CMYA5: variants seen among roughly 807,000 people sequenced by gnomAD.
CMYA5 encodes the protein cardiomyopathy associated 5.
In CMYA5, 246 loss-of-function variants were observed where a neutral mutation model predicts 318.9. That is an observed-to-expected ratio of 0.77 (90% CI 0.70 to 0.86). CMYA5 has a LOEUF of 0.86. CMYA5 is among the 40% of genes least tolerant of loss of function. The pLI is 0.00. For synonymous variants in CMYA5, 1,641 were observed against 1,729.5 expected, an observed-to-expected ratio of 0.95 and a Z score of 1.27; for missense variants, 4,589 against 4,678.2, an observed-to-expected ratio of 0.98 and a Z score of 0.56.
At chr5:79,718,035 C>A (rs1250686389) in intron 1 of CMYA5, among the ~76,000 whole-genome samples, 2 of 106,830 alleles carry the variant, frequency 1.9e-5, no homozygotes, top group East Asian at 6.8e-4. Flanking sequence ...ACTACAGGCA[C>A]CCGCCACTAC....
At position 79,766,215 on chromosome 5, in the gene CMYA5, C is replaced by T. The variant is rs1030196492; in HGVS notation, c.11555+3006C>T. Reference sequence around the variant, plus strand: ...CCAGGTTCAAATGATTCTCCTGCCTCAGCCTCCCGAGTAGCTGGGATTACA... The same window carrying T: ...CCAGGTTCAAATGATTCTCCTGCCTTAGCCTCCCGAGTAGCTGGGATTACA... On this transcript the variant is annotated intron_variant, in intron 9 of 12. Coordinates refer to ENST00000446378, the MANE Select transcript of CMYA5 (RefSeq NM_153610.5). Among the ~76,000 whole-genome samples the T allele has an allele frequency of 2.0e-5, 3 of 152,298 alleles. No homozygotes were observed. In the South Asian group the frequency reaches 6.2e-4, roughly 32 times the overall value.
chr5:79,727,649 A>C (rs184279775), intron 1 of CMYA5, among the ~76,000 whole-genome samples: 2 of 152,350 alleles, frequency 1.3e-5, no homozygotes, highest in African/African-American at 4.8e-5. Context: ...AGGAATGATA[A>C]CCGCAGAGGA....
rs369119889 is a variant in CMYA5 at position 79,733,602 on chromosome 5, G to A, written c.4837G>A (p.Val1613Ile). ...AGACTTCCCATCAGAAAAACAAGAT[G>A]TTGCTTTGGCAGAGCTGTCTTTGGA... ...QGDFPSEKQD[V>I]ALAELSLEPE... Residue 1613 changes from valine (V) to isoleucine (I), a missense_variant, in exon 2 of 13, where the codon GTT becomes ATT. Around this residue, in one of 3 missense-constraint regions of CMYA5, gnomAD observed 2,132 missense variants for 2,131.3 expected, o/e 1.00. Transcript: ENST00000446378. 249 of 1,613,504 alleles carry A rather than the reference G, an allele frequency of 1.5e-4. 1 individual carries two copies. Among genetic ancestry groups the A allele is most frequent in the Non-Finnish European group, 1.9e-4 (221 of 1,179,788 alleles).
chr5:79,726,102 T>C (rs1827742796), intron 1 of CMYA5, among the ~76,000 whole-genome samples: 1 of 152,154 alleles, frequency 6.6e-6, no homozygotes, highest in African/African-American at 2.4e-5. Context: ...TAAGCAACGA[T>C]TGAGTGAGTG....
intron 5 of CMYA5, among the ~76,000 whole-genome samples, chr5:79,748,162 A>C (rs1454140186): frequency 1.3e-5 from 2 of 152,198 alleles, no homozygotes; most frequent in African/African-American, 2.4e-5. Context: ...AGCTTTTAAA[A>C]ATGCTGATGC....
At chr5:79,755,717 A>G (rs1048706579) in intron 6 of CMYA5, among the ~76,000 whole-genome samples, 2 of 152,214 alleles carry the variant, frequency 1.3e-5, no homozygotes. Flanking sequence ...TCTATGGAAT[A>G]TTCTTATTCC....
intron 1 of CMYA5, among the ~76,000 whole-genome samples, chr5:79,703,000 A>G (rs1038348815): frequency 1.3e-5 from 2 of 152,198 alleles, no homozygotes; most frequent in Non-Finnish European, 2.9e-5. Context: ...CTAGGAGAGT[A>G]TCTGGTGCTG....
rs958959690 is a variant in CMYA5 at position 79,733,526 on chromosome 5, C to T, written c.4761C>T (p.Leu1587=). ...ASGLAPTLLL[L]SDDKNKPAVE... is the part of the protein sequence containing the mutation. ...GTTTAGCCCCAACATTACTGCTCCT[C>T]AGTGATGATAAGAACAAACCGGCAG... is the stretch of plus-strand genomic sequence containing the variant. Residue 1587 remains leucine (L), a synonymous_variant, in exon 2 of 13, where the codon CTC becomes CTT. Coordinates refer to ENST00000446378, the MANE Select transcript of CMYA5 (RefSeq NM_153610.5). The T allele has an allele frequency of 6.2e-7, 1 of 1,613,934 alleles. No homozygotes were observed. The highest frequency in any genetic ancestry group is 1.3e-5 in the African/African-American group (1 of 75,046).
chr5:79,784,578 G>T (rs1829046077), intron 9 of CMYA5, among the ~76,000 whole-genome samples: 1 of 91,716 alleles, frequency 1.1e-5, no homozygotes, highest in African/African-American at 4.9e-5. Flanking sequence ...AGATTCCGTG[G>T]GCGTAGGACC....
At chr5:79,772,776 G>A (rs1186158844) in intron 9 of CMYA5, among the ~76,000 whole-genome samples, 1 of 152,078 alleles carries the variant, frequency 6.6e-6, no homozygotes, top group Non-Finnish European at 1.5e-5. Flanking sequence ...CTGCTCTTTG[G>A]GAGTGGCCAT....
In CMYA5 at chr5:79,733,889, T is replaced by C; in HGVS notation, c.5124T>C (p.Ser1708=). The C allele has an allele frequency of 6.2e-7, 1 of 1,613,338 alleles. No individual in the cohort carries two copies. Among genetic ancestry groups the C allele is most frequent in the Non-Finnish European group, 8.5e-7 (1 of 1,179,800 alleles). The change falls in exon 2 of 13, where the codon TCT becomes TCC. Residue 1708 remains serine (S), a synonymous_variant. Coordinates refer to ENST00000446378, the MANE Select transcript of CMYA5 (RefSeq NM_153610.5). ...TTTCATCATTGCTTAGGGAGGAATC[T>C]CAGAATGAAGAAATTAAACCTTTCT... ...SELSSLLREE[S]QNEEIKPFSP... is the part of the protein sequence containing the mutation.
At chr5:79,727,196 G>A (rs1214746081) in intron 1 of CMYA5, among the ~76,000 whole-genome samples, 3 of 152,208 alleles carry the variant, frequency 2.0e-5, no homozygotes, top group Admixed American at 6.5e-5. Context: ...GATTACAGGC[G>A]TGAGCCACTG....
At chr5:79,690,169 T>A in intron 1 of CMYA5, 113 bp downstream of exon 1, 2 of 1,336,688 alleles carry the variant, frequency 1.5e-6, no homozygotes, top group South Asian at 1.8e-5. Context: ...GCTAGGCACT[T>A]TCTCTCTGGG....
At chr5:79,791,614 G>A (rs1352100911) in intron 11 of CMYA5, among the ~76,000 whole-genome samples, 4 of 151,128 alleles carry the variant, frequency 2.6e-5, no homozygotes, top group Admixed American at 2.0e-4. Flanking sequence ...TCAGCTACTC[G>A]GAGGCTGAGG....
Position 79,731,023 on chromosome 5 carries a change from C to A in CMYA5, c.2258C>A (p.Ser753Tyr), listed in dbSNP as rs765746080. ...GCTGTGGCCCCTGCTTCTGAGCCCT[C>A]TCTCTCACCATCCACAACCGAAAAG... ...TPAVAPASEP[S>Y]LSPSTTEKTS... The change falls in exon 2 of 13, where the codon TCT becomes TAT. Residue 753 changes from serine to tyrosine, a missense_variant. Around this residue, in one of 3 missense-constraint regions of CMYA5, gnomAD observed 2,132 missense variants for 2,131.3 expected, o/e 1.00. Transcript: ENST00000446378. The A allele has an allele frequency of 1.9e-6, 3 of 1,613,896 alleles. No individual in the cohort carries two copies. Among genetic ancestry groups the A allele is most frequent in the Non-Finnish European group, 2.5e-6 (3 of 1,179,904 alleles).
At chr5:79,707,583 T>G (rs1827298629) in intron 1 of CMYA5, among the ~76,000 whole-genome samples, 1 of 152,214 alleles carries the variant, frequency 6.6e-6, no homozygotes, top group African/African-American at 2.4e-5. Context: ...AAATTTGGAC[T>G]TCACAAGGTT....
intron 12 of CMYA5, among the ~76,000 whole-genome samples, chr5:79,798,936 A>G (rs1829323625): frequency 6.6e-6 from 1 of 152,236 alleles, no homozygotes. Flanking sequence ...TAAGTTACCT[A>G]TAAAATTTTA....
rs1351255369 is a variant in CMYA5, at chr5:79,730,540, C to A, written c.1775C>A (p.Ser592Tyr). The A allele has an allele frequency of 6.2e-7, 1 of 1,613,864 alleles. No individual in the cohort carries two copies. Among genetic ancestry groups the A allele is most frequent in the Non-Finnish European group, 8.5e-7 (1 of 1,179,894 alleles). ...GAAATTGCATCTGTTTCTACTGGTT[C>A]TGCTTTTGTATCAGAGTATTCAGTA... ...REEIASVSTG[S>Y]AFVSEYSVPQ... The change falls in exon 2 of 13, where the codon TCT becomes TAT. Residue 592 changes from serine to tyrosine, a missense_variant. By Grantham distance (144) the Ser-to-Tyr change is moderately radical (BLOSUM62 -2). Transcript: ENST00000446378.
In CMYA5 at chr5:79,738,588, C is replaced by T; in HGVS notation, c.9823C>T (p.Pro3275Ser). Residue 3275 changes from proline (P) to serine (S), a missense_variant, in exon 2 of 13, where the codon CCG becomes TCG. Pro to Ser is a moderately conservative substitution (Grantham distance 74). This residue lies in a region of CMYA5 where 2,431 missense variants were observed against 2,495.1 expected (regional missense o/e 0.97). Transcript: ENST00000446378. The stretch of plus-strand genomic sequence containing the variant: ...AGTTGGTAAGGATGATTCATACCAA[C>T]CGATAGCTGCAGAAGGGGAAATTTG... ...KRVGKDDSYQ[P>S]IAAEGEIWGK... is the part of the protein sequence containing the mutation. The T allele has an allele frequency of 6.2e-7, 1 of 1,613,570 alleles. No individual in the cohort carries two copies. Among genetic ancestry groups the T allele is most frequent in the Non-Finnish European group, 8.5e-7 (1 of 1,179,828 alleles).
Sources: gnomAD v4.1 joint callset for allele counts (sites outside exome capture counted in the v4.1 genomes callset) on GRCh38, gnomAD v4.1.1 for gene constraint, gnomAD v4.1.1 regional missense constraint, MANE v1.5 for transcripts, NCBI Gene and HGNC (gene_info 2026-07-23, HGNC 2026-07-21) for gene names.